CLASP2: variants seen among roughly 807,000 people sequenced by gnomAD.
CLASP2 encodes the protein CLIP-associating protein 2.
A neutral mutation model predicts 194.4 loss-of-function variants in CLASP2; 47 were observed. The ratio of observed to expected loss-of-function variants is 0.24; its 90% confidence interval spans 0.19 to 0.31. The LOEUF (loss-of-function observed/expected upper bound fraction) is 0.31. Ranked by LOEUF, CLASP2 falls within the 10% of genes least tolerant of loss-of-function variation. CLASP2 has a pLI of 1.00. For missense variants in CLASP2, 1,445 were observed against 1,823.6 expected (o/e 0.79, Z 3.78); for synonymous variants, 619 against 633.5 (o/e 0.98, Z 0.34).
At chr3:33,674,225 G>C (rs1247694903) in intron 6 of CLASP2, among the ~76,000 whole-genome samples, 1 of 152,108 alleles carries the variant, frequency 6.6e-6, no homozygotes, top group Non-Finnish European at 1.5e-5. Context: ...TAAAAGAACA[G>C]AAATTATAAC....
Position 33,496,332 on chromosome 3 carries a change from T to C in CLASP2, c.*2299A>G, listed in dbSNP as rs966030319. 5.3e-5 allele frequency: 8 copies of C among 152,316 alleles called. No individual in the cohort carries two copies. Among genetic ancestry groups the C allele is most frequent in the African/African-American group, 1.7e-4 (7 of 41,580 alleles). The allele number at this position is 152,316 out of a possible 1,614,324, so 9.4% of individuals were successfully genotyped here. On this transcript the variant is annotated 3_prime_UTR_variant, in exon 39 of 39. Transcript: ENST00000682230. ...TATTAATAATTAATTTGGGAGAGAA[T>C]AGCAGGAGGAAAAATATAAACAGTA...
At chr3:33,544,152 AATAT>A (rs1044471412) in intron 31 of CLASP2, among the ~76,000 whole-genome samples, 7 of 152,238 alleles carry the variant, frequency 4.6e-5, no homozygotes, top group African/African-American at 1.7e-4. Flanking sequence ...ACCAGTAAAA[AATAT>A]ATATATGTAT....
Position 33,544,711 on chromosome 3 carries a change from C to T in CLASP2, c.3284G>A (p.Gly1095Asp). The change falls in exon 31 of 39, where the codon GGC becomes GAC. Residue 1095 changes from glycine (G) to aspartate (D), a missense_variant. This residue lies in a region of CLASP2 where 732 missense variants were observed against 987.9 expected (regional missense o/e 0.74). Transcript: ENST00000682230. ...KLLHNHLRNT[G>D]NGTQSSMGSP... Reference sequence around the variant, plus strand: ...AGTAACAATTACCTGGGTTCCATTGCCAGTGTTTCGAAGGTGATTATGAAG... The same window carrying T: ...AGTAACAATTACCTGGGTTCCATTGTCAGTGTTTCGAAGGTGATTATGAAG... 1 of 1,610,716 alleles carries T rather than the reference C, an allele frequency of 6.2e-7. No individual in the cohort carries two copies. The highest frequency in any genetic ancestry group is 8.5e-7 in the Non-Finnish European group (1 of 1,178,602).
Position 33,718,022 on chromosome 3 carries a change from C to T in CLASP2, c.-20G>A. 1 of 1,460,950 alleles carries T rather than the reference C, an allele frequency of 6.8e-7. No individual in the cohort carries two copies. The highest frequency in any genetic ancestry group is 9.0e-7 in the Non-Finnish European group (1 of 1,114,130). The allele number at this position is 1,460,950 out of a possible 1,614,324, so 90.5% of individuals were successfully genotyped here. ...CTCCATGGCTGCGGCCGCCCGCCCG[C>T]CTGCCAGTCTGTGAGCGGCCAACTT... On this transcript the variant is annotated 5_prime_UTR_variant, in exon 1 of 39. Transcript: ENST00000682230.
chr3:33,539,333 A>C (rs1052605903), intron 32 of CLASP2, among the ~76,000 whole-genome samples: 1 of 151,996 alleles, frequency 6.6e-6, no homozygotes, highest in African/African-American at 2.4e-5. Flanking sequence ...TCCATAAATA[A>C]ATTTTTTCTT....
chr3:33,606,827 C>T (rs984135935), intron 15 of CLASP2, 69 bp from the exon 16 acceptor site: 12 of 1,145,334 alleles, frequency 1.0e-5, no homozygotes, highest in African/African-American at 3.1e-5. Flanking sequence ...GTAACGTGTA[C>T]GTTCAAGAAG....
chr3:33,695,220 A>AT lies in CLASP2; in HGVS notation c.274+1634dup, dbSNP rs762657276. The stretch of plus-strand genomic sequence containing the variant: ...CAGGCACACACCAGTAAGCCTGCTA[A>AT]TTTTTTTTTTTTTTTTTTTTGGTAG... On this transcript the variant is annotated intron_variant, in intron 2 of 38. Coordinates refer to ENST00000682230, the MANE Select transcript of CLASP2 (RefSeq NM_001365631.1). 4.5e-3 allele frequency among the ~76,000 whole-genome samples: 464 copies of AT among 103,802 alleles called. 8 individuals are homozygous for AT. The highest frequency in any genetic ancestry group is 0.017 in the East Asian group (63 of 3,696). The allele number at this position is 103,802 out of a possible 152,430, so 68.1% of individuals were successfully genotyped here.
chr3:33,716,818 G>A (rs1439603205), intron 1 of CLASP2, among the ~76,000 whole-genome samples: 1 of 152,128 alleles, frequency 6.6e-6, no homozygotes, highest in Non-Finnish European at 1.5e-5. Flanking sequence ...TTAAATCTGC[G>A]TCATAATTCT....
rs924849714 is a variant in CLASP2, at chr3:33,631,621, C to CAG, written c.942+669_942+670dup. On this transcript the variant is annotated intron_variant, in intron 9 of 38. Coordinates refer to ENST00000682230, the MANE Select transcript of CLASP2 (RefSeq NM_001365631.1). The stretch of plus-strand genomic sequence containing the variant: ...CTGAGGCAGGAGAATCACTTTAACC[C>CAG]AGAAGGCAGAAGTTGCAGGGAGCCA... Among the ~76,000 whole-genome samples, 6 of 151,036 alleles carry CAG rather than the reference C, an allele frequency of 4.0e-5. No homozygotes were observed. The South Asian group carries it at 8.4e-4, about 21-fold the overall frequency.
chr3:33,630,752 A>G (rs2078945094), intron 9 of CLASP2, among the ~76,000 whole-genome samples: 1 of 152,192 alleles, frequency 6.6e-6, no homozygotes, highest in Non-Finnish European at 1.5e-5. Flanking sequence ...TAATTATAAA[A>G]TAGCTTTTTC....
intron 34 of CLASP2, among the ~76,000 whole-genome samples, chr3:33,529,995 A>AT (rs1461312604): frequency 3.4e-5 from 5 of 148,048 alleles, no homozygotes; most frequent in African/African-American, 1.3e-4. Flanking sequence ...AAAAAAAAAA[A>AT]AAAAAAAAAA....
At position 33,498,631 on chromosome 3, in the gene CLASP2, C is replaced by T. The variant is rs1204160066; in HGVS notation, c.4521G>A (p.Ter1507=). The part of the protein sequence containing the change: ...DPTTDVSGQS[*] ...ACCTGGTTCGCTGTGATGAGCTTCACTAACTTTGTCCAGAAACATCAGTAG... is the reference window on the plus strand; with the variant it reads ...ACCTGGTTCGCTGTGATGAGCTTCATTAACTTTGTCCAGAAACATCAGTAG... The change falls in exon 39 of 39, where the codon TAG becomes TAA. Residue 1507 remains the stop codon, a stop_retained_variant. Transcript: ENST00000682230. The T allele has an allele frequency of 2.5e-6, 4 of 1,605,434 alleles. No individual in the cohort carries two copies. The highest frequency in any genetic ancestry group is 3.4e-6 in the Non-Finnish European group (4 of 1,173,478).
intron 29 of CLASP2, 91 bp from the exon 30 acceptor site, chr3:33,551,486 A>ATTTT: frequency 3.8e-6 from 4 of 1,055,258 alleles, no homozygotes; most frequent in Non-Finnish European, 5.2e-6. Context: ...GATGATGATG[A>ATTTT]TTTTTTTTTT....
intron 1 of CLASP2, among the ~76,000 whole-genome samples, chr3:33,702,242 G>C (rs915418311): frequency 1.3e-5 from 2 of 152,110 alleles, no homozygotes; most frequent in African/African-American, 4.8e-5. Context: ...ATCCTACAAA[G>C]CTTCTGTAAT....
At chr3:33,576,024 C>A in intron 24 of CLASP2, 145 bp downstream of exon 24, 4 of 610,212 alleles carry the variant, frequency 6.6e-6, no homozygotes, top group Non-Finnish European at 1.2e-5. Context: ...TAATTATATT[C>A]TGCTTTTTAC....
chr3:33,631,498 C>G (rs1338953687), intron 9 of CLASP2, among the ~76,000 whole-genome samples: 2 of 152,096 alleles, frequency 1.3e-5, no homozygotes, highest in East Asian at 3.9e-4. Context: ...GAGTTCGAGA[C>G]CAGCCTGACC....
intron 1 of CLASP2, among the ~76,000 whole-genome samples, chr3:33,710,506 G>A (rs2092948100): frequency 6.6e-6 from 1 of 152,140 alleles, no homozygotes; most frequent in Non-Finnish European, 1.5e-5. Context: ...CCAGGAATTG[G>A]AGGATGCAGT....
intron 22 of CLASP2, among the ~76,000 whole-genome samples, chr3:33,583,652 G>A (rs1380670650): frequency 6.6e-6 from 1 of 152,164 alleles, no homozygotes; most frequent in Non-Finnish European, 1.5e-5. Flanking sequence ...AGTGGAAGGT[G>A]AAGGAAAAAG....
chr3:33,535,902 T>TA (rs2057234128), intron 33 of CLASP2, among the ~76,000 whole-genome samples: 1 of 141,434 alleles, frequency 7.1e-6, no homozygotes, highest in Non-Finnish European at 1.5e-5. Context: ...AAATCAAATT[T>TA]AAAAAGGCTT....
Sources: gnomAD v4.1 joint callset for allele counts (sites outside exome capture counted in the v4.1 genomes callset) on GRCh38, gnomAD v4.1.1 for gene constraint, gnomAD v4.1.1 regional missense constraint, MANE v1.5 for transcripts, NCBI Gene and HGNC (gene_info 2026-07-23, HGNC 2026-07-21) for gene names.